NLRP8: variants seen among roughly 807,000 people sequenced by gnomAD.
NLRP8 encodes the protein NACHT, LRR and PYD domains-containing protein 8.
NLRP8 carries 86 observed loss-of-function variants against 88.7 expected under a neutral mutation model. The observed-to-expected ratio is 0.97, with a 90% confidence interval of 0.81 to 1.16. The LOEUF is 1.16. NLRP8 is among the 50% of genes most tolerant of loss of function. The pLI is 0.00. For missense variants in NLRP8, 1,342 were observed against 1,286.5 expected (o/e 1.04, Z -0.66); for synonymous variants, 504 against 494.6 (o/e 1.02, Z -0.25).
At chr19:55,984,599 A>G (rs1380509247) in intron 9 of NLRP8, among the ~76,000 whole-genome samples, 1 of 146,708 alleles carries the variant, frequency 6.8e-6, no homozygotes, top group East Asian at 2.1e-4. Context: ...GGTTGTGTTG[A>G]GCCGAGATCG....
chr19:55,950,094 A>G (rs1029500683), intron 1 of NLRP8, among the ~76,000 whole-genome samples: 2 of 152,008 alleles, frequency 1.3e-5, no homozygotes, highest in African/African-American at 2.4e-5. Context: ...GAAAATGTTA[A>G]TATTTATGAA....
At chr19:55,965,660 AT>A (rs35844922) in intron 4 of NLRP8, among the ~76,000 whole-genome samples, 2 of 151,348 alleles carry the variant, frequency 1.3e-5, no homozygotes, top group Non-Finnish European at 2.9e-5. Context: ...ATTTTTTTAA[AT>A]TTTTTTTATT....
At chr19:55,985,803 G>A (rs949371297) in intron 9 of NLRP8, among the ~76,000 whole-genome samples, 9 of 152,146 alleles carry the variant, frequency 5.9e-5, no homozygotes, top group Admixed American at 2.0e-4. Context: ...ATCACCTGAG[G>A]TCAGGAGTTC....
intron 4 of NLRP8, among the ~76,000 whole-genome samples, chr19:55,963,161 G>A (rs1200214298): frequency 6.6e-6 from 1 of 151,804 alleles, no homozygotes; most frequent in Non-Finnish European, 1.5e-5. Flanking sequence ...CTACAGGAAT[G>A]CACCACCATG....
In NLRP8 at chr19:55,956,057, A is replaced by G; in HGVS notation, c.1999A>G (p.Met667Val). ...GGAACTGACCGTCACCCTGAACTTC[A>G]TGAACGTGTGGAAGCTCAGCTCCAG... Residue 667 changes from methionine (M) to valine (V), a missense_variant, in exon 3 of 10, where the codon ATG (methionine) becomes GTG (valine). Physicochemically the swap from Met to Val is conservative, Grantham distance 21. Coordinates refer to ENST00000291971, the MANE Select transcript of NLRP8 (RefSeq NM_176811.2). 2 of 1,614,064 alleles carry G rather than the reference A, an allele frequency of 1.2e-6. No homozygotes were observed. The highest frequency in any genetic ancestry group is 1.7e-6 in the Non-Finnish European group (2 of 1,179,958).
At chr19:55,970,790 A>G in intron 6 of NLRP8, 94 bp downstream of exon 6, 2 of 1,520,910 alleles carry the variant, frequency 1.3e-6, no homozygotes, top group South Asian at 1.2e-5. Flanking sequence ...GTCATAGGGA[A>G]GGTACATGTA....
Position 55,968,364 on chromosome 19 carries a change from G to A in NLRP8, c.2381+1984G>A, listed in dbSNP as rs564287800. The stretch of plus-strand genomic sequence containing the variant: ...CGAGGCAGGAGAATTGCTTGAACCC[G>A]GGAGGCGGAGGTTGCAGTGAGCCGA... On this transcript the variant is annotated intron_variant, in intron 5 of 9. Transcript: ENST00000291971. Among the ~76,000 whole-genome samples the A allele has an allele frequency of 7.9e-5, 12 of 151,770 alleles. No homozygotes were observed. In the South Asian group the frequency reaches 2.3e-3, roughly 29 times the overall value.
At chr19:55,951,089 GAATAAA>G (rs1260361908) in intron 1 of NLRP8, among the ~76,000 whole-genome samples, 2 of 151,664 alleles carry the variant, frequency 1.3e-5, no homozygotes, top group African/African-American at 2.4e-5. Context: ...AAAAAAATAA[GAATAAA>G]AATAAAAATA....
rs1289160446 is a variant in NLRP8, at chr19:55,973,534, G to A, written c.2535-118G>A. 9 of 866,928 alleles carry A rather than the reference G, an allele frequency of 1.0e-5. No individual in the cohort carries two copies. The East Asian group carries it at 1.8e-4, about 17-fold the overall frequency. 53.7% of individuals were successfully genotyped at this position (866,928 alleles called of 1,614,324 possible). On this transcript the variant is annotated intron_variant, in intron 6 of 9. Coordinates refer to ENST00000291971, the MANE Select transcript of NLRP8 (RefSeq NM_176811.2). ...AAGCTTGGAAGTCCTGAGTGGTGAT[G>A]ACAGAGGTGTGAGGATGCTTCTGCA...
rs1160492591 is a variant in NLRP8, at chr19:55,952,507, C to T, written c.368-31C>T. The T allele has an allele frequency of 2.5e-5, 39 of 1,584,850 alleles. 1 individual carries two copies. The East Asian group carries it at 8.7e-4, about 35-fold the overall frequency. On this transcript the variant is annotated intron_variant, in intron 1 of 9. Coordinates refer to ENST00000291971, the MANE Select transcript of NLRP8 (RefSeq NM_176811.2). ...CCCTGCTACCAAGATCTTATCATTCCCGTGGAACAGCCTCCTTTTTTCTGT... is the reference window on the plus strand; with the variant it reads ...CCCTGCTACCAAGATCTTATCATTCTCGTGGAACAGCCTCCTTTTTTCTGT...
In NLRP8 at chr19:55,955,646, T is replaced by G; in HGVS notation, c.1588T>G (p.Phe530Val). Reference sequence around the variant, plus strand: ...CTGTTTCCCACAAAGACTCAAAAATTTTCATGTGTTGAGCCACGTGAATAT... The same window carrying G: ...CTGTTTCCCACAAAGACTCAAAAATGTTCATGTGTTGAGCCACGTGAATAT... Residue 530 changes from phenylalanine (F) to valine (V), a missense_variant, in exon 3 of 10, where the codon TTT becomes GTT. Phe to Val is a conservative substitution (Grantham distance 50). Transcript: ENST00000291971. 13 of 1,614,210 alleles carry G rather than the reference T, an allele frequency of 8.1e-6. No individual in the cohort carries two copies. The highest frequency in any genetic ancestry group is 1.0e-5 in the Non-Finnish European group (12 of 1,180,030).
intron 8 of NLRP8, 21 bp from the exon 9 acceptor site, chr19:55,979,373 C>T: frequency 6.2e-7 from 1 of 1,612,546 alleles, no homozygotes; most frequent in Non-Finnish European, 8.5e-7. Flanking sequence ...CTGCTGTCTG[C>T]TGTCTGTTTC....
intron 4 of NLRP8, among the ~76,000 whole-genome samples, chr19:55,963,898 C>G (rs919043023): frequency 2.6e-5 from 4 of 151,996 alleles, no homozygotes; most frequent in African/African-American, 9.7e-5. Context: ...GCGTTGCCCA[C>G]CGTCTGCTAG....
intron 4 of NLRP8, among the ~76,000 whole-genome samples, chr19:55,965,770 A>G (rs1159113342): frequency 2.0e-5 from 3 of 151,896 alleles, no homozygotes; most frequent in African/African-American, 7.3e-5. Flanking sequence ...CTCATCATCT[A>G]CGTTAGGTAT....
At chr19:55,965,657 T>A (rs7508085) in intron 4 of NLRP8, among the ~76,000 whole-genome samples, 47 of 104,306 alleles carry the variant, frequency 4.5e-4, no homozygotes, top group East Asian at 3.2e-3. Context: ...TTTATTTTTT[T>A]AAATTTTTTT....
intron 2 of NLRP8, among the ~76,000 whole-genome samples, chr19:55,953,429 T>G (rs1367090501): frequency 1.3e-5 from 2 of 152,188 alleles, no homozygotes; most frequent in East Asian, 3.8e-4. Context: ...ACCTGGTCCA[T>G]GGAAAACTTG....
rs977145448 is a variant in NLRP8, at chr19:55,988,094, A to G, written c.*181A>G. 3 of 555,888 alleles carry G rather than the reference A, an allele frequency of 5.4e-6. No homozygotes were observed. Among genetic ancestry groups the G allele is most frequent in the Admixed American group, 5.6e-5 (2 of 35,780 alleles). The allele number at this position is 555,888 out of a possible 1,614,324, so 34.4% of individuals were successfully genotyped here. ...GTGAGGACGGTGATGCCCTGTGTGT[A>G]TTAATATGCTATGTAAGGCTGGGCG... On this transcript the variant is annotated 3_prime_UTR_variant, in exon 10 of 10. Coordinates refer to ENST00000291971, the MANE Select transcript of NLRP8 (RefSeq NM_176811.2).
chr19:55,955,182 A>G lies in NLRP8; in HGVS notation c.1124A>G (p.Glu375Gly), dbSNP rs1211049417. The change falls in exon 3 of 10, where the codon GAG becomes GGG. Residue 375 changes from glutamate to glycine, a missense_variant. Transcript: ENST00000291971. Reference sequence around the variant, plus strand: ...CAGATGTATTTTGGACACACAGAGGAGGGAGACCAAGTCTTGAGTTTCGCC... The same window carrying G: ...CAGATGTATTTTGGACACACAGAGGGGGGAGACCAAGTCTTGAGTTTCGCC... The G allele has an allele frequency of 6.2e-7, 1 of 1,614,142 alleles. No individual in the cohort carries two copies. Among genetic ancestry groups the G allele is most frequent in the Admixed American group, 1.7e-5 (1 of 60,022 alleles).
At chr19:55,969,156 A>G (rs1383958241) in intron 5 of NLRP8, among the ~76,000 whole-genome samples, 1 of 152,174 alleles carries the variant, frequency 6.6e-6, no homozygotes, top group Non-Finnish European at 1.5e-5. Flanking sequence ...TTTTGGTTAC[A>G]TGGATAAATT....
Sources: gnomAD v4.1 joint callset for allele counts (sites outside exome capture counted in the v4.1 genomes callset) on GRCh38, gnomAD v4.1.1 for gene constraint, MANE v1.5 for transcripts, NCBI Gene and HGNC (gene_info 2026-07-23, HGNC 2026-07-21) for gene names.